Variants in LPIN1 observed in about 807,000 individuals in gnomAD.
LPIN1 encodes the protein lipin 1, also known as phosphatidate phosphatase LPIN1.
A neutral mutation model predicts 107.5 loss-of-function variants in LPIN1; 71 were observed. The observed-to-expected ratio is 0.66, with a 90% CI of 0.55 to 0.80. The LOEUF is 0.80. Among genes scored for constraint, LPIN1 ranks in the 30% least tolerant of loss-of-function variants. LPIN1 has a pLI of 0.00. For missense variants in LPIN1, 1,043 were observed against 1,160.6 expected (o/e 0.90, Z 1.47); for synonymous variants, 445 against 452.6 (o/e 0.98, Z 0.21).
chr2:11,684,809 G>A (rs751502957), intron 1 of LPIN1, among the ~76,000 whole-genome samples: 4 of 139,894 alleles, frequency 2.9e-5, no homozygotes, highest in African/African-American at 7.8e-5. Flanking sequence ...CAGTTACCAC[G>A]CATGCTCCCT....
At position 11,764,078 on chromosome 2, in the gene LPIN1, G is replaced by GTGTATATA. The variant is rs1313228035; in HGVS notation, c.-9-1454_-9-1453insGTATATAT. The stretch of plus-strand genomic sequence containing the variant: ...AATGTGTGTGTGTGTGTGTGTGTGT[G>GTGTATATA]TATATATATATATATATATATATAT... On this transcript the variant is annotated intron_variant, in intron 1 of 20. Transcript: ENST00000674199. 2.6e-3 allele frequency: 164 copies of GTGTATATA among 63,272 alleles called. 5 individuals carry two copies. In the East Asian group the frequency reaches 0.057, roughly 22 times the overall value. The allele number at this position is 63,272 out of a possible 1,614,324, so 3.9% of individuals were successfully genotyped here. A position where few individuals can be genotyped will look rare whatever the true frequency, so the allele number is the denominator to read the frequency against.
rs924841906 is a variant in LPIN1 at position 11,705,345 on chromosome 2, A to C, written c.82-8411A>C. 5.3e-5 allele frequency among the ~76,000 whole-genome samples: 8 copies of C among 152,378 alleles called. No homozygotes were observed. In the South Asian group the frequency reaches 1.7e-3, roughly 32 times the overall value. On this transcript the variant is annotated intron_variant, in intron 1 of 21. Coordinates refer to the LPIN1 transcript ENST00000449576. ...AAGTGCTTATTGACTACCGTGTGCC[A>C]GCCACTGCTGTGAACACAATGATGA...
rs1484496710 is a variant in LPIN1 at position 11,771,839 on chromosome 2, CA to C, written c.596+161del. 1.3e-5 allele frequency among the ~76,000 whole-genome samples: 2 copies of C among 152,176 alleles called. No individual in the cohort carries two copies. The highest frequency in any genetic ancestry group is 2.9e-5 in the Non-Finnish European group (2 of 68,016). On this transcript the variant is annotated intron_variant, in intron 4 of 20. Transcript: ENST00000674199. The surrounding 1 kb of genome is among the most constrained non-coding windows in gnomAD (Gnocchi z 4.8). Reference sequence around the variant, plus strand: ...CACTAGGGACCAGTTTTGTGGAAGACAGTGTTTCCATGGACCAGGGGTGGAT... The same window carrying C: ...CACTAGGGACCAGTTTTGTGGAAGACGTGTTTCCATGGACCAGGGGTGGAT...
chr2:11,715,176 C>T (rs1663651110), intron 2 of LPIN1, among the ~76,000 whole-genome samples: 1 of 152,222 alleles, frequency 6.6e-6, no homozygotes. Flanking sequence ...GCCACATAGT[C>T]ATGGAGGCGG....
intron 1 of LPIN1, among the ~76,000 whole-genome samples, chr2:11,725,742 ACAGCCAGC>A (rs1180230934): frequency 1.3e-5 from 2 of 152,096 alleles, no homozygotes; most frequent in African/African-American, 4.8e-5. Context: ...ACTTTTTGAA[ACAGCCAGC>A]CAGTGTGGTC....
chr2:11,699,049 T>G (rs1460523375), intron 1 of LPIN1, among the ~76,000 whole-genome samples: 1 of 152,200 alleles, frequency 6.6e-6, no homozygotes, highest in African/African-American at 2.4e-5. Flanking sequence ...ATTATGAGAT[T>G]TTTTGCAAAG....
intron 1 of LPIN1, among the ~76,000 whole-genome samples, chr2:11,759,548 A>G (rs1669302540): frequency 6.6e-6 from 1 of 152,182 alleles, no homozygotes; most frequent in Non-Finnish European, 1.5e-5. Flanking sequence ...TTTTCTTAGT[A>G]CAGAACAAAA....
At chr2:11,725,487 C>A (rs1313645963) in intron 1 of LPIN1, among the ~76,000 whole-genome samples, 1 of 152,172 alleles carries the variant, frequency 6.6e-6, no homozygotes, top group Non-Finnish European at 1.5e-5. Flanking sequence ...GAGCCCACAG[C>A]ATGGTTGGAA....
intron 1 of LPIN1, among the ~76,000 whole-genome samples, chr2:11,748,952 C>T (rs1049065990): frequency 2.6e-5 from 4 of 152,094 alleles, no homozygotes; most frequent in South Asian, 2.1e-4. Context: ...ACTGGTAGCC[C>T]GGGCGTGGGA....
At chr2:11,757,250 T>G (rs1668822611) in intron 1 of LPIN1, among the ~76,000 whole-genome samples, 1 of 152,238 alleles carries the variant, frequency 6.6e-6, no homozygotes, top group African/African-American at 2.4e-5. Context: ...AGGTTTTGTT[T>G]ATCGTTTGTC....
chr2:11,812,427 T>G (rs1679827562), intron 17 of LPIN1, among the ~76,000 whole-genome samples: 1 of 146,658 alleles, frequency 6.8e-6, no homozygotes, highest in Admixed American at 6.8e-5. Flanking sequence ...AGTGAGGGGG[T>G]GTGTGTTTCA....
At position 11,774,441 on chromosome 2, in the gene LPIN1, A is replaced by G. The variant is rs938408886; in HGVS notation, c.722+696A>G. On this transcript the variant is annotated intron_variant, in intron 5 of 20. Coordinates refer to ENST00000674199, the MANE Select transcript of LPIN1 (RefSeq NM_001349206.2). The surrounding 1 kb of genome is among the most constrained non-coding windows in gnomAD (Gnocchi z 4.4). ...TGGTGACAAAATCTTAGACGTTATAATGGTTTGTGGTCTCTAAGGGGCCAC... is the reference window on the plus strand; with the variant it reads ...TGGTGACAAAATCTTAGACGTTATAGTGGTTTGTGGTCTCTAAGGGGCCAC... 2.0e-5 allele frequency among the ~76,000 whole-genome samples: 3 copies of G among 152,176 alleles called. No individual in the cohort carries two copies. Among genetic ancestry groups the G allele is most frequent in the African/African-American group, 7.2e-5 (3 of 41,452 alleles).
intron 1 of LPIN1, among the ~76,000 whole-genome samples, chr2:11,693,430 A>G (rs1558722817): frequency 6.6e-6 from 1 of 152,116 alleles, no homozygotes; most frequent in Non-Finnish European, 1.5e-5. Flanking sequence ...CACTATTCGG[A>G]GGAGCTAATG....
At chr2:11,761,614 G>A (rs1225574640) in intron 1 of LPIN1, among the ~76,000 whole-genome samples, 3 of 152,118 alleles carry the variant, frequency 2.0e-5, no homozygotes, top group African/African-American at 7.2e-5. Context: ...TCTCTGGCCT[G>A]TTCTAAATTA....
chr2:11,784,992 A>G lies in LPIN1; in HGVS notation c.1465A>G (p.Ser489Gly), dbSNP rs1007333143. 3 of 1,613,448 alleles carry G rather than the reference A, an allele frequency of 1.9e-6. No individual in the cohort carries two copies. The highest frequency in any genetic ancestry group is 3.3e-5 in the Admixed American group (2 of 59,990). The change falls in exon 10 of 21, where the codon AGC (serine) becomes GGC (glycine). Residue 489 changes from serine to glycine, a missense_variant. Ser to Gly is a moderately conservative substitution (Grantham distance 56). Coordinates refer to ENST00000674199, the MANE Select transcript of LPIN1 (RefSeq NM_001349206.2). ...GSSGVDSGVESTSDGLRDLPS... is the reference protein window; with the variant it reads ...GSSGVDSGVEGTSDGLRDLPS... ...CTCGGGCGTGGACAGTGGCGTGGAG[A>G]GCACCTCGGACGGGCTGAGGGACCT...
chr2:11,781,132 G>GTGAA (rs769151380), intron 7 of LPIN1, among the ~76,000 whole-genome samples: 4 of 152,242 alleles, frequency 2.6e-5, no homozygotes, highest in Admixed American at 1.3e-4. Context: ...GAGTGAGTGA[G>GTGAA]TGAGTGAATG....
At chr2:11,813,093 G>T (rs376088811) in intron 17 of LPIN1, among the ~76,000 whole-genome samples, 1 of 152,140 alleles carries the variant, frequency 6.6e-6, no homozygotes. Context: ...GGGAGGAGCC[G>T]CTGTGGTGTG....
chr2:11,753,113 G>A (rs183896753), intron 1 of LPIN1, among the ~76,000 whole-genome samples: 20 of 152,226 alleles, frequency 1.3e-4, no homozygotes, highest in Non-Finnish European at 2.2e-4. Flanking sequence ...TGAGCAGGGT[G>A]GGGGTGTGCT....
At chr2:11,822,818 G>T (rs1681777402) in intron 20 of LPIN1, among the ~76,000 whole-genome samples, 1 of 152,228 alleles carries the variant, frequency 6.6e-6, no homozygotes, top group Non-Finnish European at 1.5e-5. Flanking sequence ...AGGGACTCCA[G>T]CATCTGAGAG....
Sources: gnomAD v4.1 joint callset for allele counts (sites outside exome capture counted in the v4.1 genomes callset) on GRCh38, gnomAD v4.1.1 for gene constraint, Gnocchi (gnomAD v3.1) non-coding constraint, MANE v1.5 for transcripts, NCBI Gene and HGNC (gene_info 2026-07-23, HGNC 2026-07-21) for gene names.